Variants in KCNIP4 observed in about 807,000 individuals in gnomAD.
KCNIP4 encodes potassium voltage-gated channel interacting protein 4, also known as Kv channel-interacting protein 4.
In KCNIP4, 12 loss-of-function variants were observed where a neutral mutation model predicts 34.0. The observed-to-expected ratio is 0.35, with a 90% CI of 0.23 to 0.57. KCNIP4 has a LOEUF of 0.57. Among genes scored for constraint, KCNIP4 ranks in the 20% least tolerant of loss-of-function variants. The pLI is 0.83. For missense variants in KCNIP4, 238 were observed against 311.7 expected, an observed-to-expected ratio of 0.76 and a Z score of 1.78; for synonymous variants, 124 against 102.2, an observed-to-expected ratio of 1.21 and a Z score of -1.29.
chr4:21,492,544 G>A (rs896999090), intron 1 of KCNIP4, among the ~76,000 whole-genome samples: 2 of 152,104 alleles, frequency 1.3e-5, no homozygotes, highest in African/African-American at 4.8e-5. Context: ...TATTGGTTAT[G>A]CATTATTGGC....
chr4:21,079,413 G>T (rs531724640), intron 1 of KCNIP4, among the ~76,000 whole-genome samples: 1 of 152,180 alleles, frequency 6.6e-6, no homozygotes, highest in African/African-American at 2.4e-5. Context: ...GAGATTTAGA[G>T]ATATTCATTT....
At chr4:20,931,539 G>A (rs1730472679) in intron 1 of KCNIP4, among the ~76,000 whole-genome samples, 1 of 152,002 alleles carries the variant, frequency 6.6e-6, no homozygotes, top group African/African-American at 2.4e-5. Flanking sequence ...ACTGAATACT[G>A]CACACAATTG....
At chr4:20,866,305 C>T (rs191948218) in intron 2 of KCNIP4, among the ~76,000 whole-genome samples, 40 of 152,108 alleles carry the variant, frequency 2.6e-4, no homozygotes, top group African/African-American at 7.2e-4. Context: ...AAAGTTAATA[C>T]GCCACAATTA....
At chr4:21,904,588 A>G (rs1026398234) in intron 1 of KCNIP4, among the ~76,000 whole-genome samples, 1 of 152,220 alleles carries the variant, frequency 6.6e-6, no homozygotes, top group Admixed American at 6.5e-5. Context: ...AAAACAGTGG[A>G]GTCATCCTGA....
intron 1 of KCNIP4, among the ~76,000 whole-genome samples, chr4:21,230,813 G>T (rs577528160): frequency 6.6e-6 from 1 of 152,078 alleles, no homozygotes; most frequent in Non-Finnish European, 1.5e-5. Context: ...GACTAGTGCT[G>T]CAATGAACAT....
chr4:20,871,759 T>G (rs557736345), intron 2 of KCNIP4, among the ~76,000 whole-genome samples: 2 of 152,282 alleles, frequency 1.3e-5, no homozygotes, highest in East Asian at 3.9e-4. Flanking sequence ...CTCTTTGAGT[T>G]CTTTTTTCCT....
At chr4:21,431,005 T>C (rs1299287330) in intron 1 of KCNIP4, among the ~76,000 whole-genome samples, 4 of 152,046 alleles carry the variant, frequency 2.6e-5, no homozygotes, top group Admixed American at 2.6e-4. Flanking sequence ...AAAAATGGAA[T>C]GGAATATGCT....
intron 1 of KCNIP4, among the ~76,000 whole-genome samples, chr4:21,862,263 T>C (rs930865377): frequency 3.9e-5 from 6 of 152,164 alleles, no homozygotes; most frequent in African/African-American, 1.4e-4. Flanking sequence ...TGTCCATCCA[T>C]AGGCAACAGA....
intron 1 of KCNIP4, among the ~76,000 whole-genome samples, chr4:21,700,129 T>C (rs1266555432): frequency 1.3e-5 from 2 of 152,322 alleles, no homozygotes; most frequent in Admixed American, 1.3e-4. Flanking sequence ...CTGGATCGTA[T>C]GATAATTGAG....
At chr4:21,102,666 T>C (rs1748052549) in intron 1 of KCNIP4, among the ~76,000 whole-genome samples, 1 of 152,242 alleles carries the variant, frequency 6.6e-6, no homozygotes, top group Non-Finnish European at 1.5e-5. Flanking sequence ...TCTATAATTC[T>C]GTATTTTTTG....
intron 1 of KCNIP4, among the ~76,000 whole-genome samples, chr4:21,193,371 A>G (rs1183866508): frequency 6.6e-6 from 1 of 152,128 alleles, no homozygotes; most frequent in Non-Finnish European, 1.5e-5. Flanking sequence ...GATGTAAAAT[A>G]TACTAATGGA....
At chr4:21,106,318 C>A (rs986705099) in intron 1 of KCNIP4, among the ~76,000 whole-genome samples, 1 of 151,622 alleles carries the variant, frequency 6.6e-6, no homozygotes, top group Non-Finnish European at 1.5e-5. Context: ...CTCGTTTAGT[C>A]TTGGGAGGAG....
At chr4:21,036,712 G>C (rs913770642) in intron 1 of KCNIP4, among the ~76,000 whole-genome samples, 1 of 152,160 alleles carries the variant, frequency 6.6e-6, no homozygotes, top group Admixed American at 6.5e-5. Context: ...GGGACAGAGC[G>C]AGACTCCGTC....
intron 1 of KCNIP4, among the ~76,000 whole-genome samples, chr4:21,202,922 G>T (rs1432515824): frequency 6.6e-6 from 1 of 152,172 alleles, no homozygotes; most frequent in African/African-American, 2.4e-5. Context: ...CCCACAGCCT[G>T]CTCTCCTCCA....
At chr4:20,897,899 G>A (rs1726729687) in intron 1 of KCNIP4, among the ~76,000 whole-genome samples, 3 of 152,102 alleles carry the variant, frequency 2.0e-5, no homozygotes, top group Admixed American at 6.6e-5. Flanking sequence ...AACTTTGTAT[G>A]TCAACTTGAC....
At chr4:20,773,288 C>T (rs1237630476) in intron 3 of KCNIP4, among the ~76,000 whole-genome samples, 2 of 152,248 alleles carry the variant, frequency 1.3e-5, no homozygotes, top group Admixed American at 6.5e-5. Context: ...TGAGAAGTTT[C>T]CACCCTCCTT....
intron 1 of KCNIP4, among the ~76,000 whole-genome samples, chr4:21,443,978 C>G (rs1727727351): frequency 1.3e-5 from 2 of 152,152 alleles, no homozygotes; most frequent in Admixed American, 1.3e-4. Flanking sequence ...AAACTACCAT[C>G]AGAGAATACT....
At chr4:21,128,781 A>G (rs1750824345) in intron 1 of KCNIP4, among the ~76,000 whole-genome samples, 1 of 152,214 alleles carries the variant, frequency 6.6e-6, no homozygotes, top group Non-Finnish European at 1.5e-5. Context: ...GCTATTTCTT[A>G]CATATCTTAT....
intron 1 of KCNIP4, among the ~76,000 whole-genome samples, chr4:21,602,220 G>A (rs191606647): frequency 5.7e-4 from 87 of 152,056 alleles, no homozygotes; most frequent in African/African-American, 2.1e-3. Flanking sequence ...AAACAGCATT[G>A]ATCACATCTA....
Sources: gnomAD v4.1 joint callset for allele counts (sites outside exome capture counted in the v4.1 genomes callset) on GRCh38, gnomAD v4.1.1 for gene constraint, MANE v1.5 for transcripts, NCBI Gene and HGNC (gene_info 2026-07-23, HGNC 2026-07-21) for gene names.